The following SLC10A7 variants were observed in gnomAD, a reference collection of about 807,000 sequenced individuals.
SLC10A7 encodes the protein solute carrier family 10 member 7.
Under a neutral mutation model 43.2 loss-of-function variants are expected in SLC10A7, and 29 were observed. That is an observed-to-expected ratio of 0.67 (90% CI 0.50 to 0.92). The LOEUF is 0.92. Ranked by LOEUF, SLC10A7 falls within the 40% of genes least tolerant of loss-of-function variation. The pLI is 0.00. For missense variants in SLC10A7, 295 were observed against 403.2 expected, an observed-to-expected ratio of 0.73 and a Z score of 2.30; for synonymous variants, 152 against 144.8, an observed-to-expected ratio of 1.05 and a Z score of -0.35.
At chr4:146,338,366 C>A (rs1367577169) in intron 5 of SLC10A7, among the ~76,000 whole-genome samples, 1 of 151,884 alleles carries the variant, frequency 6.6e-6, no homozygotes, top group Admixed American at 6.6e-5. Context: ...GCTGCCACTA[C>A]AATTCTCATT....
chr4:146,291,855 G>A (rs1308197491), intron 9 of SLC10A7, among the ~76,000 whole-genome samples: 1 of 152,108 alleles, frequency 6.6e-6, no homozygotes, highest in East Asian at 1.9e-4. Context: ...GAGGACACTT[G>A]GGTTATCAGT....
At chr4:146,303,015 G>A (rs977899844) in intron 7 of SLC10A7, among the ~76,000 whole-genome samples, 1 of 152,118 alleles carries the variant, frequency 6.6e-6, no homozygotes, top group Non-Finnish European at 1.5e-5. Context: ...GTTCCTCTTC[G>A]GGACTTGCCC....
intron 4 of SLC10A7, among the ~76,000 whole-genome samples, chr4:146,453,868 T>C (rs1290640633): frequency 6.6e-6 from 1 of 151,960 alleles, no homozygotes; most frequent in African/African-American, 2.4e-5. Flanking sequence ...AGTTCGTGCA[T>C]ACCAATCTAC....
intron 5 of SLC10A7, among the ~76,000 whole-genome samples, chr4:146,388,935 A>G (rs758351495): frequency 6.6e-6 from 1 of 152,184 alleles, no homozygotes; most frequent in African/African-American, 2.4e-5. Flanking sequence ...ATAAATAATT[A>G]ACAGAGCAAA....
chr4:146,495,681 C>T (rs1735818735), intron 4 of SLC10A7, among the ~76,000 whole-genome samples: 1 of 151,872 alleles, frequency 6.6e-6, no homozygotes, highest in Non-Finnish European at 1.5e-5. Flanking sequence ...AAAGACTTCA[C>T]CACATGTGAT....
chr4:146,256,772 G>T, intron 11 of SLC10A7: 1 of 1,348,970 alleles, frequency 7.4e-7, no homozygotes, highest in South Asian at 1.3e-5. Context: ...CTAGATGGTA[G>T]CCTTGGGTCT....
chr4:146,383,235 A>G (rs1390530158), intron 5 of SLC10A7, among the ~76,000 whole-genome samples: 2 of 152,144 alleles, frequency 1.3e-5, no homozygotes, highest in Non-Finnish European at 2.9e-5. Context: ...TACTCTGTAT[A>G]TAAGAACTTA....
chr4:146,442,322 T>C, intron 5 of SLC10A7: 2 of 986,514 alleles, frequency 2.0e-6, no homozygotes, highest in Non-Finnish European at 2.4e-6. Flanking sequence ...TTCACATAGA[T>C]TTCTCAGAAG....
chr4:146,328,904 AG>A (rs1343608761), intron 5 of SLC10A7, among the ~76,000 whole-genome samples: 5 of 152,254 alleles, frequency 3.3e-5, no homozygotes, highest in Admixed American at 3.3e-4. Flanking sequence ...AATATGAAAA[AG>A]CAAGAAAACA....
Position 146,287,630 on chromosome 4 carries a change from A to G in SLC10A7, c.774-4365T>C, listed in dbSNP as rs561543369. 4.6e-5 allele frequency among the ~76,000 whole-genome samples: 7 copies of G among 152,336 alleles called. No homozygotes were observed. In the South Asian group the frequency reaches 1.4e-3, roughly 32 times the overall value. Reference sequence around the variant, plus strand: ...GAATATGAATTACAGTCAATTAACAATGAATAAAAAAACTTCCATGCAGGA... The same window carrying G: ...GAATATGAATTACAGTCAATTAACAGTGAATAAAAAAACTTCCATGCAGGA... On this transcript the variant is annotated intron_variant, in intron 9 of 11. Coordinates refer to ENST00000335472, the MANE Select transcript of SLC10A7 (RefSeq NM_001029998.6).
chr4:146,467,293 T>G (rs1647701947), intron 4 of SLC10A7, among the ~76,000 whole-genome samples: 1 of 152,152 alleles, frequency 6.6e-6, no homozygotes, highest in Non-Finnish European at 1.5e-5. Flanking sequence ...TCCCTTCCAC[T>G]GTCAGTTTCC....
chr4:146,284,474 C>T (rs1191619301), intron 9 of SLC10A7, among the ~76,000 whole-genome samples: 1 of 152,072 alleles, frequency 6.6e-6, no homozygotes, highest in Non-Finnish European at 1.5e-5. Flanking sequence ...CCCCCATCAC[C>T]CCACCCTGCT....
chr4:146,500,652 T>C (rs1018083476), intron 4 of SLC10A7, among the ~76,000 whole-genome samples: 31 of 152,310 alleles, frequency 2.0e-4, no homozygotes, highest in African/African-American at 7.2e-4. Flanking sequence ...TCATGATGCA[T>C]ACATACATGC....
At chr4:146,436,395 C>T (rs1730220721) in intron 5 of SLC10A7, among the ~76,000 whole-genome samples, 1 of 152,098 alleles carries the variant, frequency 6.6e-6, no homozygotes, top group African/African-American at 2.4e-5. Flanking sequence ...ATATTTTTAA[C>T]TCTGCAAATA....
At chr4:146,436,622 C>T (rs989500655) in intron 5 of SLC10A7, among the ~76,000 whole-genome samples, 4 of 151,928 alleles carry the variant, frequency 2.6e-5, no homozygotes, top group Non-Finnish European at 1.5e-5. Context: ...TAAATGAAAA[C>T]AAGATGACTC....
intron 2 of SLC10A7, among the ~76,000 whole-genome samples, chr4:146,516,480 A>G (rs1282861581): frequency 6.8e-6 from 1 of 147,312 alleles, no homozygotes; most frequent in African/African-American, 2.5e-5. Flanking sequence ...GTATATGTGT[A>G]TATATATACA....
intron 1 of SLC10A7, among the ~76,000 whole-genome samples, chr4:146,517,574 G>A (rs1007087444): frequency 6.6e-6 from 1 of 152,088 alleles, no homozygotes; most frequent in African/African-American, 2.4e-5. Flanking sequence ...ACAGAGGTAA[G>A]CATTTGTGTG....
chr4:146,387,833 A>G lies in SLC10A7; in HGVS notation c.435+54950T>C, dbSNP rs772954562. Among the ~76,000 whole-genome samples, 4 of 152,174 alleles carry G rather than the reference A, an allele frequency of 2.6e-5. No individual in the cohort carries two copies. In the East Asian group the frequency reaches 7.7e-4, roughly 29 times the overall value. ...AATAACTCAGTCTCATTTATAATAC[A>G]TACCAAAAAAATACCTAGGGATACA... On this transcript the variant is annotated intron_variant, in intron 5 of 11. Transcript: ENST00000335472.
intron 5 of SLC10A7, among the ~76,000 whole-genome samples, chr4:146,420,321 A>G (rs1384740177): frequency 6.6e-6 from 1 of 152,216 alleles, no homozygotes; most frequent in African/African-American, 2.4e-5. Context: ...ATTAATCTTA[A>G]GATCTTTGAG....
Sources: allele counts gnomAD v4.1 joint callset (sites outside exome capture counted in the v4.1 genomes callset), GRCh38; gene constraint gnomAD v4.1.1; transcripts MANE v1.5; gene names NCBI Gene and HGNC (gene_info 2026-07-23, HGNC 2026-07-21).